Variants in TTN observed in about 807,000 individuals in gnomAD.
The protein encoded by TTN is titin.
In TTN, 1,525 loss-of-function variants were observed where a neutral mutation model predicts 3,223.0. The ratio of observed to expected loss-of-function variants is 0.47; its 90% CI spans 0.45 to 0.49. The LOEUF is 0.49. Ranked by LOEUF, TTN falls within the 20% of genes least tolerant of loss-of-function variation. The pLI, the probability that TTN is intolerant of heterozygous loss-of-function variation, is 0.00. For missense variants in TTN, 40,786 were observed against 43,424.0 expected, an observed-to-expected ratio of 0.94 and a Z score of 5.40; for synonymous variants, 14,094 against 15,161.0, an observed-to-expected ratio of 0.93 and a Z score of 5.17.
intron 83 of TTN, 91 bp from the exon 84 acceptor site, chr2:178,719,064 T>C (rs1294289115): frequency 1.4e-5 from 22 of 1,525,920 alleles, no homozygotes; most frequent in Non-Finnish European, 1.9e-5. Flanking sequence ...GAGCTAAGAC[T>C]AAACATGAAG....
Position 178,621,087 on chromosome 2 carries a change from C to T in TTN, c.45616+15G>A. ...ACAAACAAACAAAAAACCCTAAAAG[C>T]AAGAACAAACTTACCAATGACTGTC... is the stretch of plus-strand genomic sequence containing the variant. On this transcript the variant is annotated intron_variant, in intron 246 of 362. Transcript: ENST00000589042. The T allele has an allele frequency of 6.2e-7, 1 of 1,609,624 alleles. No individual in the cohort carries two copies. Among genetic ancestry groups the T allele is most frequent in the East Asian group, 2.2e-5 (1 of 44,558 alleles).
At chr2:178,701,993 T>C (rs754062825) in intron 109 of TTN, 47 bp downstream of exon 109, 3 of 1,585,914 alleles carry the variant, frequency 1.9e-6, no homozygotes, top group Non-Finnish European at 2.6e-6. Context: ...TACAAAATTA[T>C]GCCAAATTTA....
intron 218 of TTN, among the ~76,000 whole-genome samples, chr2:178,643,741 T>C (rs1427801532): frequency 1.3e-5 from 2 of 151,976 alleles, no homozygotes; most frequent in African/African-American, 4.8e-5. Flanking sequence ...ATTTTGTAAT[T>C]GCCTCTTTAT....
At chr2:178,760,474 G>A (rs551536140) in intron 43 of TTN, among the ~76,000 whole-genome samples, 176 of 152,192 alleles carry the variant, frequency 1.2e-3, no homozygotes, top group African/African-American at 4.0e-3. Context: ...AGGTTGCAGT[G>A]AGCCGAGATC....
intron 102 of TTN, among the ~76,000 whole-genome samples, chr2:178,705,571 AAT>A (rs1466503732): frequency 1.3e-5 from 2 of 152,144 alleles, no homozygotes; most frequent in Non-Finnish European, 2.9e-5. Context: ...ATTGTAATAA[AAT>A]ATAGATGTAG....
Position 178,630,349 on chromosome 2 carries a change from C to A in TTN, c.44173G>T (p.Glu14725Ter). The change falls in exon 239 of 363, where the codon GAA becomes TAA. Residue 14725 changes from glutamate (E) to a stop codon, truncating the protein, a stop_gained. Coordinates refer to ENST00000589042, the MANE Select transcript of TTN (RefSeq NM_001267550.2). LOFTEE classifies it high-confidence loss of function. ...LQTPDCEIKEEGKIHSLVLHN... is the reference protein window; with the variant it reads ...LQTPDCEIKE ...AAAACAAGGGAGTGTATTTTGCCTTCTTCCTTAATTTCACAATCCTGTACC... is the reference window on the plus strand; with the variant it reads ...AAAACAAGGGAGTGTATTTTGCCTTATTCCTTAATTTCACAATCCTGTACC... 1 of 1,609,712 alleles carries A rather than the reference C, an allele frequency of 6.2e-7. No individual in the cohort carries two copies. Among genetic ancestry groups the A allele is most frequent in the Non-Finnish European group, 8.5e-7 (1 of 1,178,670 alleles).
chr2:178,764,478 C>T lies in TTN; in HGVS notation c.9988+49G>A, dbSNP rs767924845. The T allele has an allele frequency of 6.2e-6, 10 of 1,613,358 alleles. No homozygotes were observed. The South Asian group carries it at 9.9e-5, about 16-fold the overall frequency. On this transcript the variant is annotated intron_variant, in intron 42 of 362. Coordinates refer to ENST00000589042, the MANE Select transcript of TTN (RefSeq NM_001267550.2). ...TAAATGCACTGGGAAAGGACAAAAG[C>T]CTGCTTCTTAGGTTTTATTTTCAGC...
chr2:178,608,868 G>C lies in TTN; in HGVS notation c.52143C>G (p.Ile17381Met), dbSNP rs2154197961. 1.2e-6 allele frequency: 2 copies of C among 1,611,362 alleles called. No individual in the cohort carries two copies. The highest frequency in any genetic ancestry group is 2.2e-5 in the East Asian group (1 of 44,716). The change falls in exon 274 of 363, where the codon ATC becomes ATG. Residue 17381 changes from isoleucine (I) to methionine (M), a missense_variant. Physicochemically the swap from Ile to Met is conservative, Grantham distance 10. Transcript: ENST00000589042. ...GPPINFVFEDIRKTSVLCKWE... is the reference protein window; with the variant it reads ...GPPINFVFEDMRKTSVLCKWE... ...ATTTACAAAGGACTGAGGTCTTTCTGATATCTTCAAATACAAAGTTGATTG... is the reference window on the plus strand; with the variant it reads ...ATTTACAAAGGACTGAGGTCTTTCTCATATCTTCAAATACAAAGTTGATTG...
chr2:178,768,891 T>C lies in TTN; in HGVS notation c.8945A>G (p.Glu2982Gly), dbSNP rs2090998936. 1.2e-6 allele frequency: 2 copies of C among 1,614,062 alleles called. No individual in the cohort carries two copies. The highest frequency in any genetic ancestry group is 1.7e-6 in the Non-Finnish European group (2 of 1,180,000). Residue 2982 changes from glutamate (E) to glycine (G), a missense_variant, in exon 38 of 363, where the codon GAA (glutamate) becomes GGA (glycine). By Grantham distance (98) the Glu-to-Gly change is moderately conservative. Transcript: ENST00000589042. ...TSMLKDINAE[E>G]KDTITFEVTV... ...CACCTCAAAAGTAATAGTGTCTTTT[T>C]CTTCAGCGTTGATGTCTTTCAGCAT...
rs754391086 is a variant in TTN, at chr2:178,739,129, T to C, written c.14092+12A>G. ...TGTTAGCATTTGATCTATTTTATCC[T>C]TAAAATCCAACCTCTTTTTACTACA... On this transcript the variant is annotated intron_variant, in intron 48 of 362. Coordinates refer to ENST00000589042, the MANE Select transcript of TTN (RefSeq NM_001267550.2). 13 of 1,503,146 alleles carry C rather than the reference T, an allele frequency of 8.6e-6. No individual in the cohort carries two copies. Among genetic ancestry groups the C allele is most frequent in the Non-Finnish European group, 7.1e-6 (8 of 1,127,550 alleles). 93.1% of individuals were successfully genotyped at this position (1,503,146 alleles called of 1,614,324 possible). A position where few individuals can be genotyped will look rare whatever the true frequency, so the allele number is the denominator to read the frequency against.
chr2:178,786,578 C>G (rs2093199916), intron 13 of TTN, among the ~76,000 whole-genome samples: 1 of 152,090 alleles, frequency 6.6e-6, no homozygotes, highest in Non-Finnish European at 1.5e-5. Context: ...TAAGTGCACT[C>G]AAATACCGTC....
chr2:178,753,026 AT>A, intron 47 of TTN, 97 bp downstream of exon 47: 9 of 962,690 alleles, frequency 9.3e-6, no homozygotes, highest in Admixed American at 2.2e-5. Flanking sequence ...TATCTATGTC[AT>A]TTTTTTCTCA....
At chr2:178,734,210 C>T in intron 52 of TTN, 118 bp downstream of exon 52, 1 of 1,314,088 alleles carries the variant, frequency 7.6e-7, no homozygotes. Flanking sequence ...CAGGTCAAAC[C>T]AAGACAAAAC....
At position 178,775,402 on chromosome 2, in the gene TTN, G is replaced by C. The variant is rs780879621; in HGVS notation, c.6462C>G (p.Ile2154Met). 2.5e-6 allele frequency: 4 copies of C among 1,614,030 alleles called. No individual in the cohort carries two copies. The Admixed American group carries it at 6.7e-5, about 27-fold the overall frequency. Residue 2154 changes from isoleucine (I) to methionine (M), a missense_variant, in exon 28 of 363, where the codon ATC becomes ATG. By Grantham distance (10) the Ile-to-Met change is conservative. Transcript: ENST00000589042. ...EDSASIMVKA[I>M]NIAGETSSHA... Reference sequence around the variant, plus strand: ...GACTGGAGGTTTCTCCAGCTATGTTGATGGCTTTTACCATGATGCTGGCAG... The same window carrying C: ...GACTGGAGGTTTCTCCAGCTATGTTCATGGCTTTTACCATGATGCTGGCAG...
At chr2:178,640,474 T>G (rs908441615) in intron 221 of TTN, 67 bp downstream of exon 221, 137 of 1,364,818 alleles carry the variant, frequency 1.0e-4, no homozygotes, top group Non-Finnish European at 1.3e-4. Flanking sequence ...GATGTCAGTG[T>G]AATGATATTT....
Position 178,535,653 on chromosome 2 carries a change from A to G in TTN, c.100962T>C (p.Val33654=). The G allele has an allele frequency of 6.2e-7, 1 of 1,613,848 alleles. No homozygotes were observed. Among genetic ancestry groups the G allele is most frequent in the South Asian group, 1.1e-5 (1 of 91,078 alleles). ...VIVTRSFTSL[V]FPNGVERKDA... is the part of the protein sequence containing the mutation. ...CTTTTCTCTCTACCCCATTGGGGAA[A>G]ACAAGTGATGTGAAGGATCTTGTGA... The change falls in exon 358 of 363, where the codon GTT becomes GTC. Residue 33654 remains valine (V), a synonymous_variant. Transcript: ENST00000589042.
chr2:178,535,876 A>G (rs2154137035), intron 357 of TTN, 27 bp from the exon 358 acceptor site: 8 of 1,510,166 alleles, frequency 5.3e-6, no homozygotes, highest in Non-Finnish European at 7.1e-6. Flanking sequence ...AAAAAAAAGA[A>G]TATAATTTAG....
At position 178,800,694 on chromosome 2, in the gene TTN, A is replaced by G; in HGVS notation, c.296-12T>C. On this transcript the variant is annotated splice_polypyrimidine_tract_variant and intron_variant, in intron 3 of 362. Coordinates refer to ENST00000589042, the MANE Select transcript of TTN (RefSeq NM_001267550.2). ...TGGTGCTGTCTCAGCTGCGGGGACA[A>G]GAGAACAAAGTCAAGAGTGAGAGCC... The G allele has an allele frequency of 6.2e-7, 1 of 1,602,360 alleles. No individual in the cohort carries two copies. The highest frequency in any genetic ancestry group is 8.5e-7 in the Non-Finnish European group (1 of 1,174,572).
chr2:178,683,904 G>A, intron 133 of TTN, 95 bp downstream of exon 133: 1 of 880,178 alleles, frequency 1.1e-6, no homozygotes, highest in Non-Finnish European at 1.6e-6. Context: ...TTTATACTAT[G>A]TCTTTTTTTT....
Sources: allele counts gnomAD v4.1 joint callset (sites outside exome capture counted in the v4.1 genomes callset), GRCh38; gene constraint gnomAD v4.1.1; transcripts MANE v1.5; gene names NCBI Gene and HGNC (gene_info 2026-07-23, HGNC 2026-07-21).